The following PCDHGA3 variants were observed in gnomAD, a reference collection of about 807,000 sequenced individuals.
PCDHGA3 encodes protocadherin gamma subfamily A, 3, also known as protocadherin gamma-A3.
PCDHGA3 carries 40 observed loss-of-function variants against 58.5 expected under a neutral mutation model. The observed-to-expected ratio is 0.68, with a 90% confidence interval of 0.53 to 0.89. PCDHGA3 has a LOEUF of 0.89. PCDHGA3 is among the 40% of genes least tolerant of loss of function. The pLI is 0.00. For synonymous variants in PCDHGA3, 530 were observed against 525.7 expected, an observed-to-expected ratio of 1.01 and a Z score of -0.11; for missense variants, 1,223 against 1,195.9, an observed-to-expected ratio of 1.02 and a Z score of -0.33.
intron 1 of PCDHGA3, chr5:141,394,967 C>T: frequency 6.2e-7 from 1 of 1,613,950 alleles, no homozygotes; most frequent in Non-Finnish European, 8.5e-7. Flanking sequence ...GGCTGAGGCG[C>T]TGGCACAAGT....
chr5:141,450,015 T>A (rs911475310), intron 1 of PCDHGA3, among the ~76,000 whole-genome samples: 12 of 149,806 alleles, frequency 8.0e-5, no homozygotes, highest in Non-Finnish European at 1.6e-4. Flanking sequence ...TCTTTTTTTT[T>A]TTTTTTTTTG....
intron 1 of PCDHGA3, chr5:141,393,251 G>A: frequency 6.2e-7 from 1 of 1,613,814 alleles, no homozygotes; most frequent in Non-Finnish European, 8.5e-7. Context: ...ACGAAATCGC[G>A]GTTCCTGGAG....
chr5:141,480,694 G>A (rs1446014656), intron 1 of PCDHGA3, among the ~76,000 whole-genome samples: 1 of 152,128 alleles, frequency 6.6e-6, no homozygotes, highest in Non-Finnish European at 1.5e-5. Flanking sequence ...TGAAACCCAG[G>A]CCACACCCCG....
At chr5:141,420,175 T>C (rs901184536) in intron 1 of PCDHGA3, 6 of 1,614,004 alleles carry the variant, frequency 3.7e-6, no homozygotes, top group Non-Finnish European at 5.1e-6. Context: ...CATCTGTTGA[T>C]CATTGTCCAG....
intron 1 of PCDHGA3, among the ~76,000 whole-genome samples, chr5:141,358,502 A>AT (rs1378109412): frequency 1.3e-5 from 2 of 152,160 alleles, no homozygotes; most frequent in African/African-American, 4.8e-5. Context: ...TTAACAGGAT[A>AT]TTTTCTCAAT....
In PCDHGA3 at chr5:141,491,731, C is replaced by T. The variant is rs1198438920; in HGVS notation, c.2425-3076C>T. ...GGGCTCGGCGCCGCCCCGGGCGACC[C>T]CTGGGGGCGGCACTGGAGAAGCCGC... On this transcript the variant is annotated intron_variant, in intron 1 of 3. Coordinates refer to ENST00000253812, the MANE Select transcript of PCDHGA3 (RefSeq NM_018916.4). The surrounding 1 kb of genome is among the most constrained non-coding windows in gnomAD (Gnocchi z 6.9). 1 of 1,603,678 alleles carries T rather than the reference C, an allele frequency of 6.2e-7. No homozygotes were observed. Among genetic ancestry groups the T allele is most frequent in the Non-Finnish European group, 8.5e-7 (1 of 1,175,748 alleles).
intron 1 of PCDHGA3, chr5:141,376,286 A>T: frequency 6.2e-7 from 1 of 1,614,174 alleles, no homozygotes; most frequent in Non-Finnish European, 8.5e-7. Flanking sequence ...CTTAGCGAGC[A>T]TGCCCGGCTC....
chr5:141,423,132 C>T (rs375287728), intron 1 of PCDHGA3: 41 of 1,613,540 alleles, frequency 2.5e-5, no homozygotes, highest in Non-Finnish European at 3.3e-5. Flanking sequence ...CACTGCTGGA[C>T]AGAGACGCGC....
intron 2 of PCDHGA3, among the ~76,000 whole-genome samples, chr5:141,500,184 TTTTATTTATTTATTTATTTA>T (rs58019021): frequency 1.5e-5 from 2 of 135,966 alleles, no homozygotes; most frequent in Non-Finnish European, 3.2e-5. Flanking sequence ...TCATTTTTAT[TTTTATTTATTTATTTATTTA>T]TTTATTTATT....
At chr5:141,437,863 G>A (rs2097915247) in intron 1 of PCDHGA3, among the ~76,000 whole-genome samples, 2 of 151,480 alleles carry the variant, frequency 1.3e-5, no homozygotes, top group African/African-American at 2.4e-5. Context: ...TTAGCCTCCC[G>A]AGTAGCTGGG....
chr5:141,362,072 T>G (rs754972380), intron 1 of PCDHGA3: 1 of 1,612,748 alleles, frequency 6.2e-7, no homozygotes, highest in Non-Finnish European at 8.5e-7. Flanking sequence ...CTGGTCGCTG[T>G]GCGTGATGGA....
At position 141,491,410 on chromosome 5, in the gene PCDHGA3, G is replaced by A. The variant is rs777207581; in HGVS notation, c.2425-3397G>A. The A allele has an allele frequency of 1.9e-6, 3 of 1,614,024 alleles. No homozygotes were observed. Among genetic ancestry groups the A allele is most frequent in the Admixed American group, 1.7e-5 (1 of 60,006 alleles). ...GTGCCTTCAGGGAAACGCAGACGGGGACGGGGGTGGAGGGCAGTGCTGCAG... is the reference window on the plus strand; with the variant it reads ...GTGCCTTCAGGGAAACGCAGACGGGAACGGGGGTGGAGGGCAGTGCTGCAG... On this transcript the variant is annotated intron_variant, in intron 1 of 3. Transcript: ENST00000253812. The surrounding 1 kb of genome is among the most constrained non-coding windows in gnomAD (Gnocchi z 6.9).
chr5:141,366,498 G>A, intron 1 of PCDHGA3: 1 of 1,614,246 alleles, frequency 6.2e-7, no homozygotes, highest in Non-Finnish European at 8.5e-7. Flanking sequence ...CACAAGTCAC[G>A]CCTGCTTCAG....
At chr5:141,426,680 T>TC in intron 1 of PCDHGA3, 1 of 431,452 alleles carries the variant, frequency 2.3e-6, no homozygotes, top group South Asian at 1.6e-5. Context: ...CACCTCATTT[T>TC]CCCCAAAATA....
rs1478890031 is a variant in PCDHGA3, at chr5:141,478,689, C to G, written c.2425-16118C>G. On this transcript the variant is annotated intron_variant, in intron 1 of 3. Coordinates refer to ENST00000253812, the MANE Select transcript of PCDHGA3 (RefSeq NM_018916.4). Reference sequence around the variant, plus strand: ...CACTTTCAACTGGCCCTTCCTAGATCAAAGTTAGTGCCTTTGTGAGATGGT... The same window carrying G: ...CACTTTCAACTGGCCCTTCCTAGATGAAAGTTAGTGCCTTTGTGAGATGGT... 3 of 1,550,866 alleles carry G rather than the reference C, an allele frequency of 1.9e-6. No homozygotes were observed. In the African/African-American group the frequency reaches 4.1e-5, roughly 21 times the overall value.
chr5:141,419,741 A>C (rs769795920), intron 1 of PCDHGA3: 2 of 1,613,856 alleles, frequency 1.2e-6, no homozygotes, highest in Admixed American at 1.7e-5. Context: ...CGAGGTGCGC[A>C]TGGTGCGTGC....
chr5:141,398,298 C>T (rs746476042), intron 1 of PCDHGA3: 1 of 1,362,258 alleles, frequency 7.3e-7, no homozygotes, highest in South Asian at 1.3e-5. Flanking sequence ...TGGGGTTCAG[C>T]GTCCAGGAGT....
At chr5:141,363,183 T>C (rs6890708) in intron 1 of PCDHGA3, among the ~76,000 whole-genome samples, 3,287 of 152,342 alleles carry the variant, frequency 0.022, 57 homozygotes, top group Non-Finnish European at 0.033. Context: ...TTTTAACAAA[T>C]TGCTCTTAAG....
intron 1 of PCDHGA3, chr5:141,440,430 G>A (rs965990102): frequency 6.6e-6 from 1 of 152,196 alleles, no homozygotes; most frequent in African/African-American, 2.4e-5. Flanking sequence ...CTGGGTGACA[G>A]AGCAAGGCGC....
Sources: allele counts gnomAD v4.1 joint callset (sites outside exome capture counted in the v4.1 genomes callset), GRCh38; gene constraint gnomAD v4.1.1; non-coding constraint Gnocchi (gnomAD v3.1); transcripts MANE v1.5; gene names NCBI Gene and HGNC (gene_info 2026-07-23, HGNC 2026-07-21).